Variants in NRG3 observed in about 807,000 individuals in gnomAD.
NRG3 encodes the protein pro-neuregulin-3, membrane-bound isoform.
Under a neutral mutation model 66.9 loss-of-function variants are expected in NRG3, and 31 were observed. That is an observed-to-expected ratio of 0.46 (90% CI 0.35 to 0.63). NRG3 has a LOEUF of 0.63. NRG3 is among the 20% of genes least tolerant of loss of function. The pLI is 0.00. For missense variants in NRG3, 910 were observed against 878.9 expected, an observed-to-expected ratio of 1.04 and a Z score of -0.45; for synonymous variants, 393 against 359.4, an observed-to-expected ratio of 1.09 and a Z score of -1.06.
chr10:82,418,769 T>C (rs1222437476), intron 2 of NRG3, among the ~76,000 whole-genome samples: 2 of 139,782 alleles, frequency 1.4e-5, no homozygotes, highest in Non-Finnish European at 3.0e-5. Context: ...GCTAATATTT[T>C]TTTCTTTTTT....
chr10:82,921,577 G>A (rs1355962065), intron 4 of NRG3, among the ~76,000 whole-genome samples: 1 of 152,116 alleles, frequency 6.6e-6, no homozygotes, highest in Non-Finnish European at 1.5e-5. Context: ...ATAATTCTGT[G>A]AGCCTAAAAC....
At chr10:81,997,739 CTA>C (rs2133636957) in intron 1 of NRG3, among the ~76,000 whole-genome samples, 1 of 152,036 alleles carries the variant, frequency 6.6e-6, no homozygotes, top group East Asian at 1.9e-4. Flanking sequence ...GCAGCATACT[CTA>C]TGATTTTTAT....
chr10:82,897,141 A>G (rs1385514710), intron 4 of NRG3, among the ~76,000 whole-genome samples: 1 of 152,214 alleles, frequency 6.6e-6, no homozygotes, highest in Non-Finnish European at 1.5e-5. Flanking sequence ...ATGTAACTAA[A>G]TGTACAATTG....
chr10:82,299,698 G>A (rs2080283987), intron 1 of NRG3, among the ~76,000 whole-genome samples: 1 of 151,946 alleles, frequency 6.6e-6, no homozygotes, highest in Non-Finnish European at 1.5e-5. Flanking sequence ...GACACCCTGC[G>A]GGAGGCAAGA....
intron 2 of NRG3, among the ~76,000 whole-genome samples, chr10:82,643,032 C>T (rs1422660800): frequency 1.3e-5 from 2 of 151,984 alleles, no homozygotes; most frequent in East Asian, 3.9e-4. Flanking sequence ...ATTTATTATA[C>T]TCTTCTGCCT....
At chr10:82,793,110 C>A (rs761860466) in intron 3 of NRG3, among the ~76,000 whole-genome samples, 1 of 151,988 alleles carries the variant, frequency 6.6e-6, no homozygotes, top group Non-Finnish European at 1.5e-5. Flanking sequence ...AAATTTCTCT[C>A]CTGAAACATT....
chr10:82,753,279 T>G (rs2058947254), intron 3 of NRG3, among the ~76,000 whole-genome samples: 1 of 152,030 alleles, frequency 6.6e-6, no homozygotes, highest in Admixed American at 6.6e-5. Flanking sequence ...ATTTTAAAAG[T>G]TTTTTATTTT....
At chr10:82,086,525 T>C (rs1252832092) in intron 1 of NRG3, among the ~76,000 whole-genome samples, 2 of 152,134 alleles carry the variant, frequency 1.3e-5, no homozygotes, top group African/African-American at 4.8e-5. Context: ...TTTTCAGTAG[T>C]ATTGAAATCA....
intron 2 of NRG3, among the ~76,000 whole-genome samples, chr10:82,563,591 T>A (rs1030602392): frequency 2.0e-5 from 3 of 151,982 alleles, no homozygotes; most frequent in African/African-American, 7.2e-5. Context: ...TTTCTTTAAA[T>A]ACAATATGTC....
At chr10:82,768,603 T>A (rs921881057) in intron 3 of NRG3, among the ~76,000 whole-genome samples, 7 of 152,156 alleles carry the variant, frequency 4.6e-5, no homozygotes, top group Non-Finnish European at 7.4e-5. Flanking sequence ...AGAAAACAGA[T>A]AAAATATTTG....
intron 4 of NRG3, among the ~76,000 whole-genome samples, chr10:82,912,778 T>G (rs577640783): frequency 7.4e-4 from 113 of 152,300 alleles, no homozygotes; most frequent in Middle Eastern, 6.8e-3. Context: ...AATTAAGTAT[T>G]TTATATGATG....
At chr10:82,170,456 G>A (rs943288955) in intron 1 of NRG3, among the ~76,000 whole-genome samples, 11 of 151,504 alleles carry the variant, frequency 7.3e-5, no homozygotes, top group East Asian at 1.9e-4. Context: ...CTTAATATGC[G>A]TCTTGTCCAA....
At chr10:82,433,279 G>A (rs2089940319) in intron 2 of NRG3, among the ~76,000 whole-genome samples, 1 of 152,042 alleles carries the variant, frequency 6.6e-6, no homozygotes, top group Admixed American at 6.5e-5. Flanking sequence ...AGAAGTGTCT[G>A]TTCATATCCT....
chr10:82,073,384 G>T (rs1322699830), intron 1 of NRG3, among the ~76,000 whole-genome samples: 1 of 152,112 alleles, frequency 6.6e-6, no homozygotes, highest in Non-Finnish European at 1.5e-5. Context: ...ATTAATCAGG[G>T]TATAGAAATA....
At chr10:82,586,910 A>AT (rs751982450) in intron 2 of NRG3, among the ~76,000 whole-genome samples, 70 of 152,000 alleles carry the variant, frequency 4.6e-4, no homozygotes, top group Admixed American at 9.2e-4. Context: ...TGATCTGTTG[A>AT]TTTTTTCATG....
intron 4 of NRG3, among the ~76,000 whole-genome samples, chr10:82,887,671 TC>T (rs148073757): frequency 0.028 from 4,253 of 152,304 alleles, 80 homozygotes; most frequent in Middle Eastern, 0.061. Flanking sequence ...GGGACTATTT[TC>T]CCAGCAATTG....
rs559768443 is a variant in NRG3, at chr10:82,803,343, C to T, written c.1028-62068C>T. Among the ~76,000 whole-genome samples the T allele has an allele frequency of 1.5e-4, 23 of 152,212 alleles. 1 individual carries two copies. The Middle Eastern group carries it at 0.024, about 158-fold the overall frequency. On this transcript the variant is annotated intron_variant, in intron 3 of 8. Transcript: ENST00000372141. ...TTTAAATTGCCTGTAAATGTTTCTG[C>T]GCTTATTTGTGTGGGACTCTAAATG... is the stretch of plus-strand genomic sequence containing the variant.
At chr10:82,179,011 A>G (rs2073230620) in intron 1 of NRG3, among the ~76,000 whole-genome samples, 1 of 152,030 alleles carries the variant, frequency 6.6e-6, no homozygotes, top group Non-Finnish European at 1.5e-5. Flanking sequence ...AAATCTTTTC[A>G]TATACCTATT....
At chr10:82,132,623 T>A (rs936494590) in intron 1 of NRG3, among the ~76,000 whole-genome samples, 6 of 148,316 alleles carry the variant, frequency 4.0e-5, no homozygotes, top group Non-Finnish European at 6.0e-5. Flanking sequence ...CTCCTCTAAT[T>A]TTTGGAATAG....
Sources: allele counts gnomAD v4.1 joint callset (sites outside exome capture counted in the v4.1 genomes callset), GRCh38; gene constraint gnomAD v4.1.1; transcripts MANE v1.5; gene names NCBI Gene and HGNC (gene_info 2026-07-23, HGNC 2026-07-21).